PRKCB: variants seen among roughly 807,000 people sequenced by gnomAD.
The protein encoded by PRKCB is protein kinase C beta type.
Under a neutral mutation model 81.5 loss-of-function variants are expected in PRKCB, and 13 were observed. That is an observed-to-expected ratio of 0.16 (90% CI 0.10 to 0.25). PRKCB has a LOEUF of 0.25. Ranked by LOEUF, PRKCB falls within the 10% of genes least tolerant of loss-of-function variation. PRKCB has a pLI of 1.00. For missense variants in PRKCB, 509 were observed against 875.7 expected, an observed-to-expected ratio of 0.58 and a Z score of 5.29; for synonymous variants, 335 against 321.4, an observed-to-expected ratio of 1.04 and a Z score of -0.45.
chr16:24,151,851 T>G (rs1231307634), intron 9 of PRKCB: 3 of 455,756 alleles, frequency 6.6e-6, no homozygotes, highest in Non-Finnish European at 1.3e-5. Context: ...ATCTACGAAA[T>G]GGGGGTAATT....
At chr16:24,160,168 G>C (rs1205689246) in intron 10 of PRKCB, among the ~76,000 whole-genome samples, 2 of 145,234 alleles carry the variant, frequency 1.4e-5, no homozygotes, top group Non-Finnish European at 3.0e-5. Flanking sequence ...TTGAGCTCAG[G>C]TTTTCTAATA....
At chr16:23,952,853 G>A (rs968376373) in intron 2 of PRKCB, among the ~76,000 whole-genome samples, 2 of 152,104 alleles carry the variant, frequency 1.3e-5, no homozygotes, top group African/African-American at 4.8e-5. Context: ...GATGATGGAG[G>A]GAAGCTGGCT....
In PRKCB at chr16:24,217,919, T is replaced by C. The variant is rs528424781; in HGVS notation, c.*3103T>C. 5 of 985,396 alleles carry C rather than the reference T, an allele frequency of 5.1e-6. No individual in the cohort carries two copies. The South Asian group carries it at 2.3e-4, about 46-fold the overall frequency. 61.0% of individuals were successfully genotyped at this position (985,396 alleles called of 1,614,324 possible). ...GACAGTGGCCCATTTGGGAGACCTT[T>C]AGGATCAATGGGAATCAATTCCATT... is the stretch of plus-strand genomic sequence containing the variant. On this transcript the variant is annotated 3_prime_UTR_variant, in exon 17 of 17. Transcript: ENST00000643927.
intron 3 of PRKCB, among the ~76,000 whole-genome samples, chr16:23,994,874 T>A (rs920657429): frequency 6.6e-6 from 1 of 152,260 alleles, no homozygotes; most frequent in Non-Finnish European, 1.5e-5. Context: ...TTCAGTCGTA[T>A]GTCATAATTT....
chr16:24,173,823 C>G (rs1967485230), intron 11 of PRKCB, among the ~76,000 whole-genome samples: 1 of 152,216 alleles, frequency 6.6e-6, no homozygotes, highest in South Asian at 2.1e-4. Flanking sequence ...GTTAATCTCT[C>G]TAACCCTCAG....
chr16:24,010,201 T>C (rs558577233), intron 3 of PRKCB, among the ~76,000 whole-genome samples: 22 of 152,256 alleles, frequency 1.4e-4, no homozygotes, highest in African/African-American at 4.6e-4. Context: ...GCATGTCCCA[T>C]TGGCCCATTG....
intron 3 of PRKCB, among the ~76,000 whole-genome samples, chr16:24,020,626 G>C (rs1965345249): frequency 6.6e-6 from 1 of 152,174 alleles, no homozygotes; most frequent in African/African-American, 2.4e-5. Context: ...ACTCAGGGTG[G>C]TTAAGTCACT....
At chr16:23,875,480 G>GATTATATATATAT (rs1555480881) in intron 2 of PRKCB, among the ~76,000 whole-genome samples, 1 of 4,648 alleles carries the variant, frequency 2.2e-4, no homozygotes, top group African/African-American at 5.1e-4. Context: ...CAACTAAAAA[G>GATTATATATATAT]ATATATATAT....
intron 2 of PRKCB, among the ~76,000 whole-genome samples, chr16:23,901,806 A>T (rs1963477976): frequency 6.6e-6 from 1 of 152,122 alleles, no homozygotes; most frequent in Middle Eastern, 3.2e-3. Context: ...TGCAATGATC[A>T]TTCCCCAACA....
chr16:24,129,055 A>T (rs1006123382), intron 9 of PRKCB, among the ~76,000 whole-genome samples: 3 of 152,212 alleles, frequency 2.0e-5, no homozygotes, highest in Non-Finnish European at 4.4e-5. Flanking sequence ...ATAACTCTTT[A>T]TATTATAAAC....
chr16:24,027,368 A>G (rs2141851131), intron 3 of PRKCB, among the ~76,000 whole-genome samples: 1 of 152,324 alleles, frequency 6.6e-6, no homozygotes, highest in South Asian at 2.1e-4. Context: ...GGACTCTGAT[A>G]GGAACCTTAT....
At chr16:24,181,053 C>A in intron 13 of PRKCB, 125 bp downstream of exon 13, 1 of 1,232,252 alleles carries the variant, frequency 8.1e-7, no homozygotes, top group Non-Finnish European at 1.1e-6. Flanking sequence ...GATTCTTATT[C>A]TATACTCTAA....
chr16:23,855,537 T>C (rs1435309569), intron 2 of PRKCB, among the ~76,000 whole-genome samples: 2 of 152,184 alleles, frequency 1.3e-5, no homozygotes, highest in Non-Finnish European at 2.9e-5. Context: ...AATGTGCCCT[T>C]GTAAAAATGT....
At chr16:23,893,563 T>G (rs1963326848) in intron 2 of PRKCB, 1 of 152,244 alleles carries the variant, frequency 6.6e-6, no homozygotes, top group Non-Finnish European at 1.5e-5. Context: ...GAAAAGCATT[T>G]TTAAAAAGGA....
rs192874972 is a variant in PRKCB, at chr16:23,995,058, C to A, written c.288+6468C>A. On this transcript the variant is annotated intron_variant, in intron 3 of 16. Transcript: ENST00000643927. ...AATAAATCCAACTAAAATTTAGGGA[C>A]CTTCTTCCTCAGTGAAATTTCTAGG... Among the ~76,000 whole-genome samples the A allele has an allele frequency of 1.1e-3, 162 of 152,242 alleles. 1 individual carries two copies. The highest frequency in any genetic ancestry group is 3.7e-3 in the African/African-American group (153 of 41,542).
At chr16:24,142,383 C>A (rs1002573599) in intron 9 of PRKCB, among the ~76,000 whole-genome samples, 1 of 152,174 alleles carries the variant, frequency 6.6e-6, no homozygotes, top group African/African-American at 2.4e-5. Context: ...TTCGGTGCAC[C>A]AAGCTGCACC....
chr16:24,143,634 G>T (rs1966940717), intron 9 of PRKCB, among the ~76,000 whole-genome samples: 1 of 152,116 alleles, frequency 6.6e-6, no homozygotes, highest in African/African-American at 2.4e-5. Flanking sequence ...TAACTTGCTT[G>T]TCTGTCCCTC....
chr16:24,150,981 T>C (rs1290474437), intron 9 of PRKCB, among the ~76,000 whole-genome samples: 1 of 152,258 alleles, frequency 6.6e-6, no homozygotes, highest in Non-Finnish European at 1.5e-5. Flanking sequence ...TTTAAAACTA[T>C]CTGTACAAAT....
At chr16:23,838,018 A>G (rs1962197940) in intron 2 of PRKCB, among the ~76,000 whole-genome samples, 1 of 152,204 alleles carries the variant, frequency 6.6e-6, no homozygotes, top group African/African-American at 2.4e-5. Context: ...GAGTTCTTGC[A>G]TCTGGCTTGA....
Sources: allele counts gnomAD v4.1 joint callset (sites outside exome capture counted in the v4.1 genomes callset), GRCh38; gene constraint gnomAD v4.1.1; transcripts MANE v1.5; gene names NCBI Gene and HGNC (gene_info 2026-07-23, HGNC 2026-07-21).